The following RRM2 variants were observed in gnomAD, a reference collection of about 807,000 sequenced individuals.
RRM2 encodes ribonucleoside-diphosphate reductase subunit M2.
RRM2 carries 6 observed loss-of-function variants against 45.9 expected under a neutral mutation model. The ratio of observed to expected loss-of-function variants is 0.13; its 90% CI spans 0.07 to 0.26. The LOEUF (loss-of-function observed/expected upper bound fraction) is 0.26. Among genes scored for constraint, RRM2 ranks in the 10% least tolerant of loss-of-function variants. RRM2 has a pLI of 1.00. For missense variants in RRM2, 343 were observed against 489.5 expected, an observed-to-expected ratio of 0.70 and a Z score of 2.82; for synonymous variants, 177 against 173.0, an observed-to-expected ratio of 1.02 and a Z score of -0.18.
intron 3 of RRM2, among the ~76,000 whole-genome samples, chr2:10,209,575 A>ATG (rs146042072): frequency 4.8e-4 from 72 of 149,076 alleles, no homozygotes; most frequent in Middle Eastern, 6.8e-3. Flanking sequence ...ACGTGCTTGC[A>ATG]TGTGTGTGTG....
intron 3 of RRM2, among the ~76,000 whole-genome samples, chr2:10,157,521 C>G (rs1663459489): frequency 6.6e-6 from 1 of 152,194 alleles, no homozygotes; most frequent in East Asian, 1.9e-4. Context: ...AAGGCGCCTC[C>G]ATCTCCACTT....
chr2:10,165,490 G>A (rs750128598), intron 3 of RRM2, among the ~76,000 whole-genome samples: 18 of 152,230 alleles, frequency 1.2e-4, no homozygotes, highest in African/African-American at 4.1e-4. Flanking sequence ...TGAGGACCAC[G>A]GCGCAGGGGC....
chr2:10,199,752 T>G (rs1269029000), intron 3 of RRM2, among the ~76,000 whole-genome samples: 9 of 117,350 alleles, frequency 7.7e-5, no homozygotes, highest in African/African-American at 3.1e-4. Flanking sequence ...TGCACTCCAG[T>G]CTGGGTGACA....
Position 10,129,401 on chromosome 2 carries a change from T to A in RRM2, c.*15T>A. Reference sequence around the variant, plus strand: ...CTGACTTCTAAATGAACTGAAGATGTGCCCTTACTTGGCTGATTTTTTTTT... The same window carrying A: ...CTGACTTCTAAATGAACTGAAGATGAGCCCTTACTTGGCTGATTTTTTTTT... On this transcript the variant is annotated 3_prime_UTR_variant, in exon 10 of 10. Coordinates refer to ENST00000304567, the MANE Select transcript of RRM2 (RefSeq NM_001034.4). This position sits in a 1 kb window ranked among gnomAD's most constrained non-coding sequence, Gnocchi z 4.8. 6.3e-7 allele frequency: 1 copy of A among 1,583,806 alleles called. No individual in the cohort carries two copies.
At chr2:10,164,224 A>G (rs1239150834) in intron 3 of RRM2, among the ~76,000 whole-genome samples, 1 of 152,180 alleles carries the variant, frequency 6.6e-6, no homozygotes, top group Non-Finnish European at 1.5e-5. Flanking sequence ...GCAGAGTGTT[A>G]TGACAGAGAA....
Position 10,195,423 on chromosome 2 carries a change from G to C in RRM2, n.483-14888G>C, listed in dbSNP as rs549929004. 1.3e-5 allele frequency among the ~76,000 whole-genome samples: 2 copies of C among 152,088 alleles called. No individual in the cohort carries two copies. The highest frequency in any genetic ancestry group is 6.6e-5 in the Admixed American group (1 of 15,254). On this transcript the variant is annotated intron_variant and non_coding_transcript_variant, in intron 3 of 3. Transcript: ENST00000381786. This position sits in a 1 kb window ranked among gnomAD's most constrained non-coding sequence, Gnocchi z 4.9. ...GAGCCCTGGGGAGCACCGAGTCCCC[G>C]CCGTGATGGGTCCCTGAAGCACCGG...
At chr2:10,168,118 A>T (rs1387514543) in intron 3 of RRM2, among the ~76,000 whole-genome samples, 5 of 142,264 alleles carry the variant, frequency 3.5e-5, no homozygotes, top group Non-Finnish European at 7.6e-5. Flanking sequence ...GTTTCCCCTT[A>T]GTAGTTTTTC....
In RRM2 at chr2:10,195,377, TCTGAGCGGACAGTG is replaced by T. The variant is rs1326133399; in HGVS notation, n.483-14930_483-14917del. ...AGGAAGGAAGAGCGGACACAGGGCC[TCTGAGCGGACAGTG>T]CTGGCGGAGCCCTGGGGAGCACCGA... On this transcript the variant is annotated intron_variant and non_coding_transcript_variant, in intron 3 of 3. Transcript: ENST00000381786. The surrounding 1 kb of genome is among the most constrained non-coding windows in gnomAD (Gnocchi z 4.9). 2.0e-5 allele frequency among the ~76,000 whole-genome samples: 3 copies of T among 151,694 alleles called. No individual in the cohort carries two copies. Among genetic ancestry groups the T allele is most frequent in the Admixed American group, 2.0e-4 (3 of 15,244 alleles).
At chr2:10,158,586 C>T (rs757304858) in intron 3 of RRM2, among the ~76,000 whole-genome samples, 2 of 152,058 alleles carry the variant, frequency 1.3e-5, no homozygotes, top group South Asian at 2.1e-4. Context: ...GCCCTGGCTC[C>T]GATGCTCTTC....
chr2:10,199,921 C>T (rs1224715992), intron 3 of RRM2, among the ~76,000 whole-genome samples: 1 of 152,020 alleles, frequency 6.6e-6, no homozygotes. Context: ...GCAACCTCCA[C>T]CTCCTGAGTT....
chr2:10,194,389 C>G (rs952692043), intron 3 of RRM2, among the ~76,000 whole-genome samples: 10 of 152,238 alleles, frequency 6.6e-5, no homozygotes, highest in African/African-American at 2.2e-4. Context: ...CGTGCCTCCT[C>G]CTGGCTCATC....
rs10929635 is a variant in RRM2, at chr2:10,172,700, C to T, written n.482+30325C>T. Among the ~76,000 whole-genome samples the T allele has an allele frequency of 0.58, 88,775 of 152,030 alleles. 26,638 individuals are homozygous for T. Among genetic ancestry groups the T allele is most frequent in the Non-Finnish European group, 0.66 (44,663 of 67,962 alleles). On this transcript the variant is annotated intron_variant and non_coding_transcript_variant, in intron 3 of 3. Coordinates refer to the RRM2 transcript ENST00000381786. This position sits in a 1 kb window ranked among gnomAD's most constrained non-coding sequence, Gnocchi z 4.9. ...GTGCAGCCTCTGAATAGAATCCTGG[C>T]GAAGGGAGGGGCTGGGTGTGTTGTT...
At chr2:10,148,004 C>T (rs889908580) in intron 3 of RRM2, among the ~76,000 whole-genome samples, 1 of 151,820 alleles carries the variant, frequency 6.6e-6, no homozygotes, top group Non-Finnish European at 1.5e-5. Flanking sequence ...GTTAGCCAGG[C>T]GTAGTGGCAG....
At chr2:10,126,228 CAA>C (rs1210977244) in intron 5 of RRM2, among the ~76,000 whole-genome samples, 1 of 124,076 alleles carries the variant, frequency 8.1e-6, no homozygotes, top group Non-Finnish European at 1.6e-5. Flanking sequence ...CTTCAGAACA[CAA>C]AGTCATCTGG....
chr2:10,123,731 C>T lies in RRM2; in HGVS notation c.319-5C>T, dbSNP rs139359585. The T allele has an allele frequency of 1.9e-6, 3 of 1,564,656 alleles. No homozygotes were observed. Among genetic ancestry groups the T allele is most frequent in the African/African-American group, 2.7e-5 (2 of 73,760 alleles). ...TATGCTAAAATTGTGACTTCCGAAC[C>T]TCAGGTGGACCTCTCCAAGGACATT... On this transcript the variant is annotated splice_region_variant and splice_polypyrimidine_tract_variant and intron_variant, in intron 3 of 9. Transcript: ENST00000304567.
chr2:10,149,957 C>G (rs990892549), intron 3 of RRM2, among the ~76,000 whole-genome samples: 1 of 152,202 alleles, frequency 6.6e-6, no homozygotes, highest in Non-Finnish European at 1.5e-5. Context: ...TGTGGTATTT[C>G]CTGCCTGGGC....
intron 3 of RRM2, among the ~76,000 whole-genome samples, chr2:10,193,510 G>A (rs933841676): frequency 2.0e-5 from 3 of 152,220 alleles, no homozygotes; most frequent in Admixed American, 6.5e-5. Context: ...TCTGCATCAC[G>A]TGTTCTTCAA....
chr2:10,170,334 A>G (rs1219203563), intron 3 of RRM2, among the ~76,000 whole-genome samples: 2 of 152,190 alleles, frequency 1.3e-5, no homozygotes, highest in Admixed American at 1.3e-4. Flanking sequence ...ATGGAAATAA[A>G]TGTCCTCCCT....
intron 3 of RRM2, among the ~76,000 whole-genome samples, chr2:10,152,302 T>C (rs1663329550): frequency 6.6e-6 from 1 of 152,124 alleles, no homozygotes; most frequent in African/African-American, 2.4e-5. Flanking sequence ...TAACAGCTCT[T>C]TATTCTAGTT....
Sources: allele counts gnomAD v4.1 joint callset (sites outside exome capture counted in the v4.1 genomes callset), GRCh38; gene constraint gnomAD v4.1.1; non-coding constraint Gnocchi (gnomAD v3.1); transcripts MANE v1.5; gene names NCBI Gene and HGNC (gene_info 2026-07-23, HGNC 2026-07-21).